CDK17: variants seen among roughly 807,000 people sequenced by gnomAD.
The protein encoded by CDK17 is cyclin-dependent kinase 17.
In CDK17, 24 loss-of-function variants were observed where a neutral mutation model predicts 77.6. The observed-to-expected ratio is 0.31, with a 90% CI of 0.22 to 0.44. CDK17 has a LOEUF of 0.44. CDK17 is among the 20% of genes least tolerant of loss of function. The pLI is 1.00. For missense variants in CDK17, 429 were observed against 622.5 expected (o/e 0.69, Z 3.31); for synonymous variants, 203 against 210.4 (o/e 0.96, Z 0.30).
chr12:96,301,481 G>A (rs1228786593), intron 5 of CDK17, among the ~76,000 whole-genome samples: 1 of 151,980 alleles, frequency 6.6e-6, no homozygotes, highest in Non-Finnish European at 1.5e-5. Flanking sequence ...GAAAACTAGG[G>A]ACTGAGAGAG....
At chr12:96,286,397 A>G (rs1952247256) in intron 12 of CDK17, among the ~76,000 whole-genome samples, 1 of 151,982 alleles carries the variant, frequency 6.6e-6, no homozygotes, top group African/African-American at 2.4e-5. Context: ...AAAAGTTAGC[A>G]ATATTCCTTA....
chr12:96,389,407 T>G (rs961710274), intron 1 of CDK17, among the ~76,000 whole-genome samples: 1 of 152,180 alleles, frequency 6.6e-6, no homozygotes, highest in African/African-American at 2.4e-5. Flanking sequence ...TTGCAGATCT[T>G]TTCCAAAAAA....
chr12:96,300,771 G>C (rs557894376), intron 5 of CDK17, among the ~76,000 whole-genome samples: 1 of 152,090 alleles, frequency 6.6e-6, no homozygotes, highest in Non-Finnish European at 1.5e-5. Flanking sequence ...GAATGACTAA[G>C]AATAGAAAAA....
chr12:96,317,322 T>C (rs1275335248), intron 3 of CDK17, among the ~76,000 whole-genome samples: 2 of 127,362 alleles, frequency 1.6e-5, no homozygotes, highest in African/African-American at 2.9e-5. Context: ...CTACGTCTGA[T>C]TGGTGTACCT....
intron 5 of CDK17, among the ~76,000 whole-genome samples, chr12:96,307,572 C>T (rs767517339): frequency 5.3e-5 from 8 of 151,928 alleles, no homozygotes; most frequent in Non-Finnish European, 1.2e-4. Context: ...GCAAAATCAT[C>T]CCAATAAAAA....
intron 1 of CDK17, among the ~76,000 whole-genome samples, chr12:96,361,617 T>G (rs183753033): frequency 6.6e-6 from 1 of 152,254 alleles, no homozygotes; most frequent in African/African-American, 2.4e-5. Context: ...TCATGACTTA[T>G]GAGGAAATTA....
intron 3 of CDK17, among the ~76,000 whole-genome samples, chr12:96,317,662 G>A (rs1952751239): frequency 7.7e-6 from 1 of 129,660 alleles, no homozygotes. Flanking sequence ...TTAAAGAAAA[G>A]AATTTTCAAC....
intron 1 of CDK17, among the ~76,000 whole-genome samples, chr12:96,373,943 C>A (rs944778026): frequency 6.6e-6 from 1 of 151,878 alleles, no homozygotes; most frequent in Admixed American, 6.6e-5. Context: ...AGCAAGACTC[C>A]GTCTCAAAAA....
chr12:96,325,322 A>G (rs1952878473), intron 2 of CDK17, among the ~76,000 whole-genome samples: 1 of 152,218 alleles, frequency 6.6e-6, no homozygotes, highest in Admixed American at 6.5e-5. Flanking sequence ...GAAGCCAACT[A>G]TTCTTCTGCA....
chr12:96,311,826 A>C (rs1952649014), intron 4 of CDK17, among the ~76,000 whole-genome samples: 1 of 152,116 alleles, frequency 6.6e-6, no homozygotes, highest in Admixed American at 6.5e-5. Flanking sequence ...AGAATAAGTA[A>C]GGAGAAGATA....
intron 2 of CDK17, among the ~76,000 whole-genome samples, chr12:96,333,419 C>G (rs747508881): frequency 5.9e-5 from 9 of 152,072 alleles, no homozygotes; most frequent in Admixed American, 1.3e-4. Flanking sequence ...AATCCCAGCA[C>G]TTTGGGAGGT....
At chr12:96,307,820 G>A (rs1186416497) in intron 5 of CDK17, among the ~76,000 whole-genome samples, 3 of 152,130 alleles carry the variant, frequency 2.0e-5, no homozygotes, top group African/African-American at 4.8e-5. Flanking sequence ...AACGAGCCGA[G>A]ATCGCGCCAT....
intron 1 of CDK17, among the ~76,000 whole-genome samples, chr12:96,377,839 G>A (rs980681043): frequency 2.6e-5 from 4 of 151,180 alleles, no homozygotes; most frequent in African/African-American, 4.8e-5. Flanking sequence ...GACTACAGGC[G>A]CCCGCCACTA....
intron 1 of CDK17, among the ~76,000 whole-genome samples, chr12:96,347,663 A>C (rs1953242232): frequency 6.8e-6 from 1 of 146,770 alleles, no homozygotes; most frequent in Admixed American, 6.8e-5. Context: ...GGAGGAAAGA[A>C]ATATAGGACT....
intron 1 of CDK17, among the ~76,000 whole-genome samples, chr12:96,376,047 G>C (rs1953776836): frequency 6.6e-6 from 1 of 152,100 alleles, no homozygotes; most frequent in South Asian, 2.1e-4. Context: ...ACTGAGAACT[G>C]AAACTGTCTA....
intron 1 of CDK17, among the ~76,000 whole-genome samples, chr12:96,339,100 C>T (rs902604900): frequency 6.6e-6 from 1 of 152,060 alleles, no homozygotes; most frequent in Non-Finnish European, 1.5e-5. Flanking sequence ...TTGCTGACCA[C>T]GGGACCTGCC....
intron 3 of CDK17, among the ~76,000 whole-genome samples, chr12:96,316,160 G>C (rs1211382215): frequency 6.6e-6 from 1 of 152,194 alleles, no homozygotes; most frequent in Non-Finnish European, 1.5e-5. Flanking sequence ...CAAGGGGTCA[G>C]GGAGTTCTCT....
intron 1 of CDK17, among the ~76,000 whole-genome samples, chr12:96,362,472 G>A (rs1338826296): frequency 1.3e-5 from 2 of 152,206 alleles, no homozygotes; most frequent in South Asian, 2.1e-4. Context: ...GCCCGCCTCA[G>A]CCTCCCAAAA....
In CDK17 at chr12:96,323,985, GC is replaced by G. The variant is rs781376865; in HGVS notation, c.245del (p.Gly82AlafsTer13). The G allele has an allele frequency of 6.2e-7, 1 of 1,605,022 alleles. No individual in the cohort carries two copies. The highest frequency in any genetic ancestry group is 1.3e-5 in the African/African-American group (1 of 74,724). On this transcript the variant is annotated frameshift_variant, in exon 3 of 17. Coordinates refer to ENST00000261211, the MANE Select transcript of CDK17 (RefSeq NM_002595.5). LOFTEE classifies it high-confidence loss of function. ...RPHSVIGGSL[G>X]SFMAMPRNGS... ...CATTTCTGGGCATTGCCATGAAGGAGCCAAGGCTCCCTCCAATAACACTGTG... is the reference window on the plus strand; with the variant it reads ...CATTTCTGGGCATTGCCATGAAGGAGCAAGGCTCCCTCCAATAACACTGTG...
Sources: gnomAD v4.1 joint callset for allele counts (sites outside exome capture counted in the v4.1 genomes callset) on GRCh38, gnomAD v4.1.1 for gene constraint, MANE v1.5 for transcripts, NCBI Gene and HGNC (gene_info 2026-07-23, HGNC 2026-07-21) for gene names.